Variants in LRWD1 observed in about 807,000 individuals in gnomAD.
The protein encoded by LRWD1 is leucine rich repeats and WD repeat domain containing 1, also known as leucine-rich repeat and WD repeat-containing protein 1.
A neutral mutation model predicts 75.6 loss-of-function variants in LRWD1; 76 were observed. The observed-to-expected ratio is 1.01, with a 90% CI of 0.84 to 1.22. The LOEUF (loss-of-function observed/expected upper bound fraction) is 1.22, where lower values mean the gene tolerates loss of function less well. Among genes scored for constraint, LRWD1 ranks in the 50% most tolerant of loss-of-function variants. The probability of loss-of-function intolerance (pLI) is 0.00; values close to 1 mark genes in which losing one functional copy is unlikely to be tolerated. For missense variants in LRWD1, 917 were observed against 862.0 expected, an observed-to-expected ratio of 1.06 and a Z score of -0.80; for synonymous variants, 487 against 377.0, an observed-to-expected ratio of 1.29 and a Z score of -3.38.
At chr7:102,472,381 C>T (rs1798224775) in intron 12 of LRWD1, 72 bp downstream of exon 12, 4 of 1,551,048 alleles carry the variant, frequency 2.6e-6, no homozygotes, top group Non-Finnish European at 3.5e-6. Flanking sequence ...CTGGGCTAGG[C>T]TTCTGAGGAT....
intron 3 of LRWD1, 99 bp downstream of exon 3, chr7:102,466,369 T>TC: frequency 2.1e-6 from 2 of 940,768 alleles, no homozygotes; most frequent in East Asian, 4.9e-5. Flanking sequence ...GGGTGACTGA[T>TC]AGAGGCTCTT....
intron 11 of LRWD1, chr7:102,470,132 C>T (rs906896075): frequency 1.2e-5 from 6 of 490,816 alleles, no homozygotes; most frequent in Non-Finnish European, 2.1e-5. Flanking sequence ...GGCTTCAGCA[C>T]CATGCTGTGC....
rs1462599017 is a variant in LRWD1, at chr7:102,473,077, CACAGCTAACTA to C, written c.*31_*41del. ...TCACACCATCGCAAAGGACCAGGGA[CACAGCTAACTA>C]ACTTATTCAGCTTTGGGCCGATGGG... On this transcript the variant is annotated 3_prime_UTR_variant, in exon 15 of 15. Coordinates refer to ENST00000292616, the MANE Select transcript of LRWD1 (RefSeq NM_152892.3). The C allele has an allele frequency of 1.3e-6, 2 of 1,591,054 alleles. No homozygotes were observed. Among genetic ancestry groups the C allele is most frequent in the South Asian group, 2.2e-5 (2 of 89,308 alleles).
chr7:102,471,134 G>C (rs1798168567), intron 11 of LRWD1: 1 of 152,130 alleles, frequency 6.6e-6, no homozygotes, highest in Non-Finnish European at 1.5e-5. Context: ...GTTTCACCAT[G>C]TTGGCCAGGC....
intron 9 of LRWD1, 118 bp from the exon 10 acceptor site, chr7:102,469,456 G>T: frequency 8.5e-7 from 1 of 1,178,218 alleles, no homozygotes; most frequent in Non-Finnish European, 1.2e-6. Context: ...GCCTCGGCCC[G>T]CCCTCCCCGC....
rs764605621 is a variant in LRWD1 at position 102,467,489 on chromosome 7, T to C, written c.573+10T>C. The C allele has an allele frequency of 2.5e-6, 4 of 1,611,376 alleles. No homozygotes were observed. Among genetic ancestry groups the C allele is most frequent in the South Asian group, 2.2e-5 (2 of 91,000 alleles). ...GTTCACCCAGTGGCGGGTATGTCCC[T>C]GTCCCAATGTGCAGGGAGTCACTGG... On this transcript the variant is annotated intron_variant, in intron 4 of 14. Coordinates refer to ENST00000292616, the MANE Select transcript of LRWD1 (RefSeq NM_152892.3).
intron 9 of LRWD1, 97 bp downstream of exon 9, chr7:102,469,159 G>C: frequency 1.7e-6 from 2 of 1,161,344 alleles, no homozygotes; most frequent in Admixed American, 2.7e-5. Context: ...CTGTGAGCTC[G>C]GGCGCCTGCC....
In LRWD1 at chr7:102,465,971, A is replaced by C; in HGVS notation, c.235A>C (p.Asn79His). ...CCTGCGTGTCCTCCGCTGCGCCAACAACCAGCTGGGGGATGTTACTGCCTT... is the reference window on the plus strand; with the variant it reads ...CCTGCGTGTCCTCCGCTGCGCCAACCACCAGCTGGGGGATGTTACTGCCTT... ...SHLRVLRCAN[N>H]QLGDVTALCQ... Residue 79 changes from asparagine to histidine, a missense_variant, in exon 2 of 15, where the codon AAC becomes CAC. Physicochemically the swap from Asn to His is moderately conservative, Grantham distance 68 (BLOSUM62 1). Coordinates refer to ENST00000292616, the MANE Select transcript of LRWD1 (RefSeq NM_152892.3). 1.2e-6 allele frequency: 2 copies of C among 1,613,930 alleles called. No individual in the cohort carries two copies. The highest frequency in any genetic ancestry group is 2.2e-5 in the South Asian group (2 of 91,082).
chr7:102,472,111 C>T (rs1798210583), intron 11 of LRWD1, 107 bp from the exon 12 acceptor site: 1 of 1,012,300 alleles, frequency 9.9e-7, no homozygotes, highest in Non-Finnish European at 1.5e-6. Flanking sequence ...TCTGTGCAGC[C>T]TTCACACAGG....
intron 3 of LRWD1, among the ~76,000 whole-genome samples, 177 bp from the exon 4 acceptor site, chr7:102,467,162 T>TGGGTGGG: frequency 7.1e-5 from 1 of 14,068 alleles, no homozygotes; most frequent in Non-Finnish European, 2.3e-4. Context: ...GTTGCTGGGG[T>TGGGTGGG]GTGTGTGGGG....
At chr7:102,470,172 A>C in intron 11 of LRWD1, 3 of 391,170 alleles carry the variant, frequency 7.7e-6, no homozygotes, top group Non-Finnish European at 9.1e-6. Flanking sequence ...CCTGCCACTC[A>C]TCAGCAGTGT....
At chr7:102,466,594 T>G (rs1228090370) in intron 3 of LRWD1, among the ~76,000 whole-genome samples, 1 of 151,900 alleles carries the variant, frequency 6.6e-6, no homozygotes, top group Non-Finnish European at 1.5e-5. Flanking sequence ...TTTTTTGTAT[T>G]TTTAGTAGAG....
Position 102,469,633 on chromosome 7 carries a change from G to A in LRWD1, c.1288G>A (p.Glu430Lys), listed in dbSNP as rs376949005. The A allele has an allele frequency of 6.2e-6, 10 of 1,614,070 alleles. No individual in the cohort carries two copies. The highest frequency in any genetic ancestry group is 1.3e-5 in the African/African-American group (1 of 74,942). The change falls in exon 10 of 15, where the codon GAA becomes AAA. Residue 430 changes from glutamate to lysine, a missense_variant. Physicochemically the swap from Glu to Lys is moderately conservative, Grantham distance 56. Transcript: ENST00000292616. ...WDIGVPNQDY[E>K]FQASQLLTLD... ...CATCGGGGTGCCCAACCAGGACTAC[G>A]AATTCCAGGCCAGGTGATGCTTCGG...
chr7:102,467,265 A>T, intron 3 of LRWD1, 74 bp from the exon 4 acceptor site: 1 of 1,521,274 alleles, frequency 6.6e-7, no homozygotes. Flanking sequence ...CGGGATTGAG[A>T]TTCCCTGAGA....
At chr7:102,467,125 GTGTGTGTGTGTGTA>G (rs1563653994) in intron 3 of LRWD1, among the ~76,000 whole-genome samples, 200 bp from the exon 4 acceptor site, 41 of 120,850 alleles carry the variant, frequency 3.4e-4, no homozygotes, top group East Asian at 1.1e-3. Context: ...TGGGGTGTGT[GTGTGTGTGTGTGTA>G]GGCACCTGGG....
At position 102,465,992 on chromosome 7, in the gene LRWD1, G is replaced by A. The variant is rs774729386; in HGVS notation, c.256G>A (p.Ala86Thr). 6 of 1,613,906 alleles carry A rather than the reference G, an allele frequency of 3.7e-6. No homozygotes were observed. Among genetic ancestry groups the A allele is most frequent in the Non-Finnish European group, 8.5e-7 (1 of 1,180,036 alleles). The change falls in exon 2 of 15, where the codon GCC becomes ACC. Residue 86 changes from alanine to threonine, a missense_variant. Coordinates refer to ENST00000292616, the MANE Select transcript of LRWD1 (RefSeq NM_152892.3). ...CANNQLGDVTALCQFPKLEEL... is the reference protein window; with the variant it reads ...CANNQLGDVTTLCQFPKLEEL... ...CAACAACCAGCTGGGGGATGTTACTGCCTTGTGCCAGTTCCCCAAGCTCGA... is the reference window on the plus strand; with the variant it reads ...CAACAACCAGCTGGGGGATGTTACTACCTTGTGCCAGTTCCCCAAGCTCGA...
rs1311631942 is a variant in LRWD1, at chr7:102,467,154, T to G, written c.433-185T>G. ...GTGTGTGTGTAGGCACCTGGGTTGT[T>G]GCTGGGGTGTGTGTGGGGTGTGTGT... On this transcript the variant is annotated intron_variant, in intron 3 of 14. Coordinates refer to ENST00000292616, the MANE Select transcript of LRWD1 (RefSeq NM_152892.3). Among the ~76,000 whole-genome samples the G allele has an allele frequency of 4.4e-5, 4 of 91,294 alleles. 1 individual carries two copies. The Admixed American group carries it at 4.6e-4, about 11-fold the overall frequency. The allele number at this position is 91,294 out of a possible 152,430, so 59.9% of individuals were successfully genotyped here.
chr7:102,469,501 C>A, intron 9 of LRWD1, 73 bp from the exon 10 acceptor site: 1 of 1,571,510 alleles, frequency 6.4e-7, no homozygotes, highest in Non-Finnish European at 8.7e-7. Context: ...GTGGGCTCAG[C>A]CTGGGATGCA....
chr7:102,465,435 G>A (rs1797929938), intron 1 of LRWD1: 2 of 359,498 alleles, frequency 5.6e-6, no homozygotes, highest in Admixed American at 4.6e-5. Flanking sequence ...CGAAGGATCA[G>A]GAAGAGCATC....
Sources: allele counts gnomAD v4.1 joint callset (sites outside exome capture counted in the v4.1 genomes callset), GRCh38; gene constraint gnomAD v4.1.1; transcripts MANE v1.5; gene names NCBI Gene and HGNC (gene_info 2026-07-23, HGNC 2026-07-21).